MCU: variants seen among roughly 807,000 people sequenced by gnomAD.
MCU encodes mitochondrial calcium uniporter, also known as calcium uniporter protein, mitochondrial.
Under a neutral mutation model 45.2 loss-of-function variants are expected in MCU, and 12 were observed. The ratio of observed to expected loss-of-function variants is 0.27; its 90% confidence interval spans 0.17 to 0.43. MCU has a LOEUF of 0.43. Among genes scored for constraint, MCU ranks in the 20% least tolerant of loss-of-function variants. MCU has a pLI of 1.00. For synonymous variants in MCU, 160 were observed against 165.1 expected (o/e 0.97, Z 0.24); for missense variants, 324 against 436.7 (o/e 0.74, Z 2.30).
intron 2 of MCU, among the ~76,000 whole-genome samples, chr10:72,837,251 CT>C: frequency 6.6e-6 from 1 of 151,782 alleles, no homozygotes. Flanking sequence ...GTTCTAGACC[CT>C]TTCTCTAGAA....
chr10:72,832,005 A>G (rs2132830628), intron 1 of MCU, among the ~76,000 whole-genome samples: 1 of 152,316 alleles, frequency 6.6e-6, no homozygotes, highest in Admixed American at 6.5e-5. Context: ...CAAAAAAGTA[A>G]GCCTTTCTTA....
chr10:72,845,892 C>A (rs1845113483), intron 2 of MCU, among the ~76,000 whole-genome samples: 1 of 152,048 alleles, frequency 6.6e-6, no homozygotes, highest in Non-Finnish European at 1.5e-5. Flanking sequence ...CAATGATTAT[C>A]ATAAAAGGCA....
At chr10:72,716,586 C>G (rs1842957598) in intron 1 of MCU, among the ~76,000 whole-genome samples, 2 of 151,964 alleles carry the variant, frequency 1.3e-5, no homozygotes, top group Admixed American at 6.6e-5. Flanking sequence ...TTATTGGATT[C>G]TCTAAAGGTT....
In MCU at chr10:72,851,710, A is replaced by T. The variant is rs576675166; in HGVS notation, c.221-7467A>T. ...GTGTGGGGAAGTTGCAAATCTTGTGACCTCTGGAATAATGGCTTGGTGTAA... is the reference window on the plus strand; with the variant it reads ...GTGTGGGGAAGTTGCAAATCTTGTGTCCTCTGGAATAATGGCTTGGTGTAA... On this transcript the variant is annotated intron_variant, in intron 2 of 7. Transcript: ENST00000373053. Among the ~76,000 whole-genome samples, 15 of 152,198 alleles carry T rather than the reference A, an allele frequency of 9.9e-5. No individual in the cohort carries two copies. The East Asian group carries it at 2.9e-3, about 29-fold the overall frequency.
At chr10:72,779,742 C>T (rs1448844202) in intron 1 of MCU, among the ~76,000 whole-genome samples, 1 of 152,154 alleles carries the variant, frequency 6.6e-6, no homozygotes, top group Non-Finnish European at 1.5e-5. Context: ...CCACTTTATA[C>T]ACACTGCATG....
chr10:72,755,985 C>T (rs867671436), intron 1 of MCU, among the ~76,000 whole-genome samples: 7 of 151,842 alleles, frequency 4.6e-5, no homozygotes, highest in Non-Finnish European at 1.5e-5. Context: ...CTGGGACTAC[C>T]GGTGTGCACC....
intron 6 of MCU, among the ~76,000 whole-genome samples, chr10:72,880,483 G>GT (rs1409595254): frequency 2.0e-5 from 3 of 151,844 alleles, no homozygotes; most frequent in Non-Finnish European, 4.4e-5. Flanking sequence ...CAAAGCGGGG[G>GT]GGGGGAAACC....
At chr10:72,839,871 G>A (rs1338033059) in intron 2 of MCU, among the ~76,000 whole-genome samples, 1 of 151,408 alleles carries the variant, frequency 6.6e-6, no homozygotes, top group Non-Finnish European at 1.5e-5. Flanking sequence ...GGCTGAGGCT[G>A]GGGAATGGCG....
rs564911737 is a variant in MCU at position 72,881,564 on chromosome 10, A to C, written c.862-2702A>C. ...GACTACATTAAATTAATATCTGTTT[A>C]TTAACACCATGAAGAGGGTAAATAG... On this transcript the variant is annotated intron_variant, in intron 6 of 7. Transcript: ENST00000373053. Among the ~76,000 whole-genome samples the C allele has an allele frequency of 2.6e-5, 4 of 152,350 alleles. No homozygotes were observed. The South Asian group carries it at 8.3e-4, about 32-fold the overall frequency.
At chr10:72,728,981 G>A (rs2132681717) in intron 1 of MCU, among the ~76,000 whole-genome samples, 1 of 152,236 alleles carries the variant, frequency 6.6e-6, no homozygotes, top group East Asian at 1.9e-4. Flanking sequence ...TTTTATTCTA[G>A]TGTCCAAATC....
At chr10:72,865,778 T>C (rs558358235) in intron 4 of MCU, among the ~76,000 whole-genome samples, 32 of 150,318 alleles carry the variant, frequency 2.1e-4, no homozygotes, top group African/African-American at 7.3e-4. Context: ...TTTTTTTGTT[T>C]TTTTTTTTGT....
intron 1 of MCU, among the ~76,000 whole-genome samples, chr10:72,819,041 A>C (rs1435645192): frequency 6.6e-6 from 1 of 152,160 alleles, no homozygotes; most frequent in East Asian, 1.9e-4. Flanking sequence ...TCTGATGGGC[A>C]AGACAGAACA....
intron 1 of MCU, among the ~76,000 whole-genome samples, chr10:72,800,310 TG>T (rs1209555795): frequency 6.6e-6 from 1 of 152,236 alleles, no homozygotes; most frequent in Non-Finnish European, 1.5e-5. Context: ...TTTAAAATAT[TG>T]TATAAAGTTA....
At chr10:72,873,166 C>T (rs10823949) in intron 6 of MCU, among the ~76,000 whole-genome samples, 12,738 of 151,334 alleles carry the variant, frequency 0.084, 780 homozygotes, top group East Asian at 0.28. Context: ...CTACAGATGC[C>T]CGCCACCACG....
intron 1 of MCU, among the ~76,000 whole-genome samples, chr10:72,735,213 T>C (rs1843236890): frequency 6.6e-6 from 1 of 152,070 alleles, no homozygotes; most frequent in Non-Finnish European, 1.5e-5. Flanking sequence ...AACCCATATA[T>C]GACCTGGAAC....
At chr10:72,781,198 G>C (rs1249403006) in intron 1 of MCU, among the ~76,000 whole-genome samples, 3 of 152,210 alleles carry the variant, frequency 2.0e-5, no homozygotes, top group Admixed American at 6.5e-5. Flanking sequence ...CTGGTGAATT[G>C]AATTTGTCGG....
chr10:72,798,773 T>C (rs1410827743), intron 1 of MCU, among the ~76,000 whole-genome samples: 5 of 152,158 alleles, frequency 3.3e-5, no homozygotes, highest in African/African-American at 1.2e-4. Context: ...TTCAGACTTT[T>C]CTCAGTGCAT....
At chr10:72,857,969 T>G (rs1845318378) in intron 2 of MCU, among the ~76,000 whole-genome samples, 1 of 152,218 alleles carries the variant, frequency 6.6e-6, no homozygotes, top group African/African-American at 2.4e-5. Flanking sequence ...CAAGAGAACA[T>G]GAATTGTTTT....
chr10:72,791,214 G>A (rs770000890), intron 1 of MCU, among the ~76,000 whole-genome samples: 81 of 152,096 alleles, frequency 5.3e-4, no homozygotes, highest in Non-Finnish European at 8.8e-4. Flanking sequence ...TATCATTTTA[G>A]ATCCTTTAAA....
Sources: allele counts gnomAD v4.1 joint callset (sites outside exome capture counted in the v4.1 genomes callset), GRCh38; gene constraint gnomAD v4.1.1; transcripts MANE v1.5; gene names NCBI Gene and HGNC (gene_info 2026-07-23, HGNC 2026-07-21).